Variants in MAPKAP1 observed in about 807,000 individuals in gnomAD.
MAPKAP1 encodes target of rapamycin complex 2 subunit MAPKAP1.
In MAPKAP1, 20 loss-of-function variants were observed where a neutral mutation model predicts 65.7. The observed-to-expected ratio is 0.30, with a 90% CI of 0.21 to 0.44. The LOEUF (loss-of-function observed/expected upper bound fraction) is 0.44. MAPKAP1 is among the 20% of genes least tolerant of loss of function. The pLI is 1.00. For missense variants in MAPKAP1, 423 were observed against 648.0 expected (o/e 0.65, Z 3.77); for synonymous variants, 222 against 244.3 (o/e 0.91, Z 0.85).
chr9:125,633,619 A>G lies in MAPKAP1; in HGVS notation c.498+24032T>C, dbSNP rs566315618. 2.6e-5 allele frequency among the ~76,000 whole-genome samples: 4 copies of G among 152,354 alleles called. No individual in the cohort carries two copies. In the South Asian group the frequency reaches 8.3e-4, roughly 32 times the overall value. The stretch of plus-strand genomic sequence containing the variant: ...CAACATTGTCCCATTTCTCTTCCAG[A>G]AAAATGCAGAGGTAATTATGTACTC... On this transcript the variant is annotated intron_variant, in intron 4 of 11. Transcript: ENST00000265960.
chr9:125,452,598 G>T (rs1158735504), intron 10 of MAPKAP1, among the ~76,000 whole-genome samples: 1 of 151,964 alleles, frequency 6.6e-6, no homozygotes, highest in Non-Finnish European at 1.5e-5. Context: ...AGCTTATGTG[G>T]ATTATACCTA....
intron 3 of MAPKAP1, among the ~76,000 whole-genome samples, chr9:125,668,410 T>C (rs1001891546): frequency 6.6e-6 from 1 of 152,224 alleles, no homozygotes; most frequent in Non-Finnish European, 1.5e-5. Context: ...CTGCTATTAG[T>C]ATAATAAACC....
At chr9:125,511,177 CATCAT>C (rs765708078) in intron 7 of MAPKAP1, among the ~76,000 whole-genome samples, 1 of 148,222 alleles carries the variant, frequency 6.7e-6, no homozygotes, top group Non-Finnish European at 1.5e-5. Flanking sequence ...TCATCATCAT[CATCAT>C]CATCATCATC....
chr9:125,470,555 T>C (rs1853870873), intron 9 of MAPKAP1, among the ~76,000 whole-genome samples: 1 of 152,272 alleles, frequency 6.6e-6, no homozygotes, highest in Non-Finnish European at 1.5e-5. Flanking sequence ...CTTTAACTTC[T>C]ATTATTTTTA....
chr9:125,487,765 A>G (rs1167972855), intron 8 of MAPKAP1, among the ~76,000 whole-genome samples: 2 of 152,186 alleles, frequency 1.3e-5, no homozygotes, highest in African/African-American at 4.8e-5. Flanking sequence ...GCTATAAATG[A>G]TAATTCAGAT....
Position 125,458,310 on chromosome 9 carries a change from C to T in MAPKAP1, c.1345+9662G>A, listed in dbSNP as rs7046848. Among the ~76,000 whole-genome samples the T allele has an allele frequency of 6.0e-3, 900 of 150,738 alleles. 10 individuals carry two copies. The highest frequency in any genetic ancestry group is 0.02 in the African/African-American group (837 of 40,904). On this transcript the variant is annotated intron_variant, in intron 10 of 11. Coordinates refer to ENST00000265960, the MANE Select transcript of MAPKAP1 (RefSeq NM_001006617.3). ...ATGACAATAGTGGAGGGAAGGTCAG[C>T]AGATTAATAAGTGAACAAAGGTCTC...
At position 125,702,512 on chromosome 9, in the gene MAPKAP1, C is replaced by A. The variant is rs547637153; in HGVS notation, c.-70+4459G>T. 2.6e-5 allele frequency among the ~76,000 whole-genome samples: 4 copies of A among 151,332 alleles called. No homozygotes were observed. In the South Asian group the frequency reaches 8.3e-4, roughly 32 times the overall value. On this transcript the variant is annotated intron_variant, in intron 1 of 11. Transcript: ENST00000265960. ...TCGCGCCATTGCACTCCAGCCTGGG[C>A]AACAAGAGCGAAACTCCTTCCCACA...
chr9:125,521,399 C>T, intron 7 of MAPKAP1: 1 of 907,264 alleles, frequency 1.1e-6, no homozygotes, highest in South Asian at 5.2e-5. Context: ...TTTCTCTTAA[C>T]TTGAGTCACT....
At chr9:125,507,324 A>C (rs1205913949) in intron 7 of MAPKAP1, among the ~76,000 whole-genome samples, 1 of 152,248 alleles carries the variant, frequency 6.6e-6, no homozygotes, top group Admixed American at 6.5e-5. Context: ...TATTGAAAGG[A>C]TTAGAGGCAT....
At chr9:125,615,777 G>A (rs1458724651) in intron 4 of MAPKAP1, among the ~76,000 whole-genome samples, 1 of 152,100 alleles carries the variant, frequency 6.6e-6, no homozygotes, top group Non-Finnish European at 1.5e-5. Context: ...GCCAGGTGTA[G>A]TGGTGCATGC....
intron 9 of MAPKAP1, 107 bp from the exon 10 acceptor site, chr9:125,468,216 T>C (rs1256651188): frequency 2.5e-6 from 3 of 1,217,744 alleles, no homozygotes; most frequent in Non-Finnish European, 2.3e-6. Context: ...TGCATGAACG[T>C]GAGCTCTTTC....
At chr9:125,558,456 T>C (rs532350170) in intron 6 of MAPKAP1, among the ~76,000 whole-genome samples, 10 of 152,266 alleles carry the variant, frequency 6.6e-5, no homozygotes, top group African/African-American at 2.4e-4. Flanking sequence ...AGGTACTCAG[T>C]TATTCTTTCT....
intron 5 of MAPKAP1, among the ~76,000 whole-genome samples, chr9:125,560,183 T>C (rs867786753): frequency 6.6e-6 from 1 of 151,958 alleles, no homozygotes; most frequent in Non-Finnish European, 1.5e-5. Flanking sequence ...ACAATACAAA[T>C]GTAAAAAATA....
At chr9:125,461,683 G>A (rs910692930) in intron 10 of MAPKAP1, among the ~76,000 whole-genome samples, 1 of 152,212 alleles carries the variant, frequency 6.6e-6, no homozygotes, top group Non-Finnish European at 1.5e-5. Flanking sequence ...GCATTAATAT[G>A]TGAGAGTCCG....
chr9:125,594,265 T>C (rs1175825678), intron 4 of MAPKAP1, among the ~76,000 whole-genome samples: 3 of 152,254 alleles, frequency 2.0e-5, no homozygotes, highest in African/African-American at 7.2e-5. Flanking sequence ...GCCAGTCATG[T>C]GGAAACACAG....
chr9:125,644,433 C>T (rs904895988), intron 4 of MAPKAP1, among the ~76,000 whole-genome samples: 3 of 152,002 alleles, frequency 2.0e-5, no homozygotes, highest in African/African-American at 7.3e-5. Flanking sequence ...TTTTGCAACA[C>T]AATTGTCCCT....
intron 10 of MAPKAP1, among the ~76,000 whole-genome samples, chr9:125,462,391 G>C (rs1853530528): frequency 6.6e-6 from 1 of 152,182 alleles, no homozygotes; most frequent in South Asian, 2.1e-4. Context: ...ATATGAAGAA[G>C]TTTGTATCTT....
At chr9:125,525,716 A>AAC (rs1306274516) in intron 7 of MAPKAP1, among the ~76,000 whole-genome samples, 1 of 151,872 alleles carries the variant, frequency 6.6e-6, no homozygotes, top group Non-Finnish European at 1.5e-5. Context: ...CAAAAAAAAA[A>AAC]AAAGGAAAAG....
rs115464675 is a variant in MAPKAP1, at chr9:125,564,776, A to G, written c.672-4967T>C. On this transcript the variant is annotated intron_variant, in intron 5 of 11. Transcript: ENST00000265960. The stretch of plus-strand genomic sequence containing the variant: ...ACCGCTCTTAAGCTTCTGATTACGC[A>G]GAAGCTGGATTAACTATCTCACAGT... 4.5e-3 allele frequency among the ~76,000 whole-genome samples: 679 copies of G among 152,328 alleles called. 6 individuals are homozygous for G. Among genetic ancestry groups the G allele is most frequent in the African/African-American group, 0.016 (653 of 41,570 alleles).
Sources: allele counts gnomAD v4.1 joint callset (sites outside exome capture counted in the v4.1 genomes callset), GRCh38; gene constraint gnomAD v4.1.1; transcripts MANE v1.5; gene names NCBI Gene and HGNC (gene_info 2026-07-23, HGNC 2026-07-21).